Variants in DPYD observed in about 807,000 individuals in gnomAD.
The protein encoded by DPYD is dihydropyrimidine dehydrogenase [NADP(+)].
Under a neutral mutation model 116.2 loss-of-function variants are expected in DPYD, and 109 were observed. The observed-to-expected ratio is 0.94, with a 90% CI of 0.80 to 1.10. The LOEUF (loss-of-function observed/expected upper bound fraction) is 1.10, where lower values mean the gene tolerates loss of function less well. DPYD is among the 50% of genes least tolerant of loss of function. The pLI, the probability that DPYD is intolerant of heterozygous loss-of-function variation, is 0.00. For missense variants in DPYD, 1,302 were observed against 1,254.5 expected (o/e 1.04, Z -0.57); for synonymous variants, 440 against 432.0 (o/e 1.02, Z -0.23).
chr1:97,906,189 T>G (rs1673609143), intron 1 of DPYD, among the ~76,000 whole-genome samples: 1 of 152,062 alleles, frequency 6.6e-6, no homozygotes, highest in African/African-American at 2.4e-5. Flanking sequence ...GCCCCTAAAT[T>G]ACTGGATATT....
chr1:97,820,052 G>T (rs562305329), intron 3 of DPYD, among the ~76,000 whole-genome samples: 85 of 152,170 alleles, frequency 5.6e-4, no homozygotes, highest in African/African-American at 2.0e-3. Context: ...TCGGTTCATG[G>T]TTTACTAATC....
rs114961855 is a variant in DPYD at position 97,406,793 on chromosome 1, C to A, written c.1906-24332G>T. On this transcript the variant is annotated intron_variant, in intron 14 of 22. Transcript: ENST00000370192. Reference sequence around the variant, plus strand: ...TAGCATGTCTGGTATTGATATTAATCTACAATATCCATTTGAGTTGTTCTA... The same window carrying A: ...TAGCATGTCTGGTATTGATATTAATATACAATATCCATTTGAGTTGTTCTA... 6.5e-3 allele frequency among the ~76,000 whole-genome samples: 986 copies of A among 152,160 alleles called. 9 individuals carry two copies. The highest frequency in any genetic ancestry group is 0.022 in the African/African-American group (925 of 41,490).
intron 8 of DPYD, among the ~76,000 whole-genome samples, chr1:97,600,683 T>C (rs775211508): frequency 6.6e-6 from 1 of 152,152 alleles, no homozygotes; most frequent in Non-Finnish European, 1.5e-5. Context: ...AAAACAGGTA[T>C]ATAAAGCTCT....
chr1:97,793,000 G>C (rs1667394783), intron 3 of DPYD, among the ~76,000 whole-genome samples: 1 of 152,102 alleles, frequency 6.6e-6, no homozygotes, highest in South Asian at 2.1e-4. Flanking sequence ...TACGAATAAA[G>C]TATGCACTTC....
intron 5 of DPYD, among the ~76,000 whole-genome samples, chr1:97,706,007 G>A (rs1378985384): frequency 1.3e-5 from 2 of 151,180 alleles, no homozygotes; most frequent in Admixed American, 6.6e-5. Context: ...GTTTTTTAAC[G>A]ATTACATTTT....
chr1:97,863,755 T>C (rs1194600345), intron 2 of DPYD, among the ~76,000 whole-genome samples: 1 of 151,788 alleles, frequency 6.6e-6, no homozygotes, highest in Non-Finnish European at 1.5e-5. Flanking sequence ...CAACCAATTT[T>C]AAAAAACCCT....
intron 18 of DPYD, among the ~76,000 whole-genome samples, chr1:97,262,390 T>C (rs1278479438): frequency 1.3e-5 from 2 of 152,076 alleles, no homozygotes; most frequent in African/African-American, 2.4e-5. Context: ...GTTGAACACA[T>C]TGTAAGCCCT....
chr1:97,172,147 T>C (rs942149241), intron 20 of DPYD, among the ~76,000 whole-genome samples: 2 of 152,176 alleles, frequency 1.3e-5, no homozygotes, highest in Admixed American at 6.5e-5. Context: ...TTGTCACAAC[T>C]GTAGGCATCG....
chr1:97,800,989 A>G (rs1250996287), intron 3 of DPYD, among the ~76,000 whole-genome samples: 1 of 151,894 alleles, frequency 6.6e-6, no homozygotes, highest in Non-Finnish European at 1.5e-5. Context: ...GACAATCTCC[A>G]TTTCCTTTCT....
chr1:97,359,714 C>T (rs1041243252), intron 16 of DPYD, among the ~76,000 whole-genome samples: 3 of 152,130 alleles, frequency 2.0e-5, no homozygotes, highest in Admixed American at 2.0e-4. Context: ...AACTAAGCTT[C>T]ATAAGTGAAG....
At chr1:97,669,792 T>C (rs1659759037) in intron 8 of DPYD, among the ~76,000 whole-genome samples, 1 of 152,186 alleles carries the variant, frequency 6.6e-6, no homozygotes, top group South Asian at 2.1e-4. Flanking sequence ...AAGATTGTTC[T>C]AGAAAGAAAT....
intron 14 of DPYD, among the ~76,000 whole-genome samples, chr1:97,429,299 G>A (rs1381702940): frequency 1.3e-5 from 2 of 151,846 alleles, no homozygotes; most frequent in African/African-American, 4.8e-5. Flanking sequence ...GTTTTATTTT[G>A]CAAAATTTGA....
chr1:97,417,453 A>G (rs1409522754), intron 14 of DPYD, among the ~76,000 whole-genome samples: 2 of 152,164 alleles, frequency 1.3e-5, no homozygotes, highest in Non-Finnish European at 2.9e-5. Flanking sequence ...CATTCAAATA[A>G]TCAACCAAAT....
At chr1:97,330,935 CTG>C (rs1668956936) in intron 16 of DPYD, among the ~76,000 whole-genome samples, 1 of 152,100 alleles carries the variant, frequency 6.6e-6, no homozygotes, top group Non-Finnish European at 1.5e-5. Context: ...TCTTTGTTGA[CTG>C]AATATTAATT....
Position 97,599,938 on chromosome 1 carries a change from C to A in DPYD, c.851-4772G>T, listed in dbSNP as rs183454839. The stretch of plus-strand genomic sequence containing the variant: ...GCTCATGCCTGTAATCCCAGCTATT[C>A]CAGAGGCTGAGGCACAAGAATCGCT... On this transcript the variant is annotated intron_variant, in intron 8 of 22. Coordinates refer to ENST00000370192, the MANE Select transcript of DPYD (RefSeq NM_000110.4). 3.0e-3 allele frequency among the ~76,000 whole-genome samples: 448 copies of A among 147,016 alleles called. 2 individuals are homozygous for A. The highest frequency in any genetic ancestry group is 0.011 in the African/African-American group (429 of 39,772).
intron 8 of DPYD, among the ~76,000 whole-genome samples, chr1:97,615,448 C>T (rs1348145376): frequency 1.3e-5 from 2 of 152,084 alleles, no homozygotes; most frequent in African/African-American, 4.8e-5. Context: ...TTGGTAAGTA[C>T]AAACTACATA....
At chr1:97,817,897 T>G (rs755026673) in intron 3 of DPYD, among the ~76,000 whole-genome samples, 3 of 152,056 alleles carry the variant, frequency 2.0e-5, no homozygotes, top group African/African-American at 4.8e-5. Context: ...AATTTTTATC[T>G]CCTAAATAAT....
intron 5 of DPYD, chr1:97,700,393 C>A: frequency 5.0e-6 from 2 of 396,380 alleles, no homozygotes; most frequent in Non-Finnish European, 4.9e-6. Flanking sequence ...CCCTATGGTC[C>A]AGGAAAAACA....
At chr1:97,165,042 T>C (rs1322816557) in intron 20 of DPYD, among the ~76,000 whole-genome samples, 1 of 152,036 alleles carries the variant, frequency 6.6e-6, no homozygotes, top group African/African-American at 2.4e-5. Context: ...CCTATTAAAT[T>C]ATCAATGATA....
Sources: gnomAD v4.1 joint callset for allele counts (sites outside exome capture counted in the v4.1 genomes callset) on GRCh38, gnomAD v4.1.1 for gene constraint, MANE v1.5 for transcripts, NCBI Gene and HGNC (gene_info 2026-07-23, HGNC 2026-07-21) for gene names.